The following TMEM114 variants were observed in gnomAD, a reference collection of about 807,000 sequenced individuals.
TMEM114 encodes claudin-26.
In TMEM114, 6 loss-of-function variants were observed where a neutral mutation model predicts 6.2. That is an observed-to-expected ratio of 0.97 (90% CI 0.53 to 1.91). The LOEUF is 1.91. Ranked by LOEUF, TMEM114 falls within the 40% of genes most tolerant of loss-of-function variation. TMEM114 has a pLI of 0.01. For synonymous variants in TMEM114, 104 were observed against 73.0 expected, an observed-to-expected ratio of 1.42 and a Z score of -2.16; for missense variants, 218 against 158.3, an observed-to-expected ratio of 1.38 and a Z score of -2.02.
At chr16:8,559,993 C>A (rs1377646176) in intron 2 of TMEM114, among the ~76,000 whole-genome samples, 1 of 151,948 alleles carries the variant, frequency 6.6e-6, no homozygotes, top group South Asian at 2.1e-4. Context: ...GGCTAATGAT[C>A]TTGTTGTGGT....
chr16:8,549,947 C>A (rs1900789548), intron 2 of TMEM114, among the ~76,000 whole-genome samples: 2 of 152,126 alleles, frequency 1.3e-5, no homozygotes, highest in Admixed American at 1.3e-4. Flanking sequence ...AGTCCGAGTC[C>A]CAAAACCTCA....
In TMEM114 at chr16:8,569,761, C is replaced by G; in HGVS notation, c.*12G>C. On this transcript the variant is annotated 3_prime_UTR_variant, in exon 4 of 4. Transcript: ENST00000620492. ...AAGCCCCTCCCTCCCCTCCACGACC[C>G]AGCGCCCAGGCTCATATGGCCTGGT... 1.3e-6 allele frequency: 2 copies of G among 1,545,154 alleles called. No individual in the cohort carries two copies. The highest frequency in any genetic ancestry group is 1.2e-5 in the South Asian group (1 of 83,870).
chr16:8,557,599 G>A (rs894559903), intron 2 of TMEM114, among the ~76,000 whole-genome samples: 19 of 152,170 alleles, frequency 1.2e-4, no homozygotes, highest in African/African-American at 3.9e-4. Flanking sequence ...AGGCAGCTAC[G>A]AAGAAATGTA....
At chr16:8,542,148 G>GGA (rs939416024) in intron 2 of TMEM114, among the ~76,000 whole-genome samples, 6 of 151,776 alleles carry the variant, frequency 4.0e-5, no homozygotes, top group African/African-American at 1.5e-4. Flanking sequence ...TTCGTGGGGG[G>GGA]GGGTCCCTTG....
At chr16:8,559,892 G>T (rs911451409) in intron 2 of TMEM114, among the ~76,000 whole-genome samples, 1 of 152,214 alleles carries the variant, frequency 6.6e-6, no homozygotes, top group Non-Finnish European at 1.5e-5. Context: ...GAGAAGTCGG[G>T]AGCCTGGGGT....
At chr16:8,578,539 A>G (rs1902021521) in intron 2 of TMEM114, among the ~76,000 whole-genome samples, 1 of 152,204 alleles carries the variant, frequency 6.6e-6, no homozygotes, top group South Asian at 2.1e-4. Context: ...CTCTTTCTGA[A>G]TAAGTCACAT....
At chr16:8,568,057 T>C (rs939399906), downstream of TMEM114, among the ~76,000 whole-genome samples, 16 of 152,302 alleles carry the variant, frequency 1.1e-4, no homozygotes, top group African/African-American at 2.9e-4. Flanking sequence ...GAGGACCATC[T>C]TGGGATCAGG....
At chr16:8,537,540 T>C (rs1156623404), downstream of TMEM114, 1 of 152,158 alleles carries the variant, frequency 6.6e-6, no homozygotes, top group African/African-American at 2.4e-5. Context: ...TATATATTTA[T>C]ATATGATAAT....
intron 2 of TMEM114, among the ~76,000 whole-genome samples, chr16:8,572,789 T>C (rs140788951): frequency 6.6e-6 from 1 of 152,196 alleles, no homozygotes; most frequent in Non-Finnish European, 1.5e-5. Context: ...ACACGCATCA[T>C]TAATTATTCA....
intron 2 of TMEM114, among the ~76,000 whole-genome samples, chr16:8,563,965 GTGAA>G (rs1484893547): frequency 1.4e-5 from 2 of 143,546 alleles, no homozygotes; most frequent in Non-Finnish European, 3.1e-5. Context: ...GAGTGAATGA[GTGAA>G]TGAGTGAGTG....
intron 2 of TMEM114, among the ~76,000 whole-genome samples, chr16:8,541,616 TA>T (rs1336063139): frequency 6.6e-6 from 1 of 152,052 alleles, no homozygotes; most frequent in Non-Finnish European, 1.5e-5. Flanking sequence ...TTTTGAAAAA[TA>T]ATTAATTGTG....
intron 2 of TMEM114, among the ~76,000 whole-genome samples, chr16:8,579,142 A>C (rs1902045316): frequency 6.6e-6 from 1 of 152,182 alleles, no homozygotes; most frequent in Non-Finnish European, 1.5e-5. Flanking sequence ...AAACAAACAG[A>C]AAAAGTGTTT....
intron 2 of TMEM114, among the ~76,000 whole-genome samples, chr16:8,563,581 G>GTAAT (rs1342075046): frequency 1.4e-5 from 2 of 147,546 alleles, no homozygotes; most frequent in South Asian, 4.3e-4. Context: ...GAGGAAATGA[G>GTAAT]TGAGTGAATG....
intron 2 of TMEM114, among the ~76,000 whole-genome samples, chr16:8,588,700 A>G (rs931014314): frequency 3.3e-5 from 5 of 152,214 alleles, no homozygotes; most frequent in African/African-American, 1.2e-4. Flanking sequence ...CCTGGCTCCA[A>G]TCATATATTT....
chr16:8,533,169 T>A (rs910222447), downstream of TMEM114, among the ~76,000 whole-genome samples: 2 of 152,088 alleles, frequency 1.3e-5, no homozygotes, highest in South Asian at 4.1e-4. Context: ...GCAAACAAGT[T>A]TGAATAGTGA....
intron 2 of TMEM114, among the ~76,000 whole-genome samples, chr16:8,542,125 A>G (rs1212904529): frequency 6.9e-6 from 1 of 144,808 alleles, no homozygotes; most frequent in African/African-American, 2.6e-5. Context: ...CCTGGTTGAG[A>G]TGTTGAGGAT....
rs1035762349 is a variant in TMEM114, at chr16:8,586,863, G to C, written c.301+2350C>G. Among the ~76,000 whole-genome samples, 71 of 152,252 alleles carry C rather than the reference G, an allele frequency of 4.7e-4. 1 individual carries two copies. The highest frequency in any genetic ancestry group is 1.7e-3 in the African/African-American group (70 of 41,536). Reference sequence around the variant, plus strand: ...TCAAAGACACTCACAGTTTCCCCTTGTGCAGTTTGGGGCTCAGAACAGAGC... The same window carrying C: ...TCAAAGACACTCACAGTTTCCCCTTCTGCAGTTTGGGGCTCAGAACAGAGC... On this transcript the variant is annotated intron_variant, in intron 2 of 3. Coordinates refer to ENST00000620492, the MANE Select transcript of TMEM114 (RefSeq NM_001146336.2).
At chr16:8,587,453 G>A (rs1902351345) in intron 2 of TMEM114, among the ~76,000 whole-genome samples, 1 of 152,172 alleles carries the variant, frequency 6.6e-6, no homozygotes, top group Non-Finnish European at 1.5e-5. Context: ...CATACAATTT[G>A]CACTTAGCAG....
intron 2 of TMEM114, among the ~76,000 whole-genome samples, chr16:8,546,010 G>C (rs1380866200): frequency 2.6e-5 from 4 of 152,128 alleles, no homozygotes; most frequent in Non-Finnish European, 5.9e-5. Flanking sequence ...AGCTGCCTTG[G>C]AGGCTGAGGC....
Sources: gnomAD v4.1 joint callset for allele counts (sites outside exome capture counted in the v4.1 genomes callset) on GRCh38, gnomAD v4.1.1 for gene constraint, MANE v1.5 for transcripts, NCBI Gene and HGNC (gene_info 2026-07-23, HGNC 2026-07-21) for gene names.